CTNNA3: variants seen among roughly 807,000 people sequenced by gnomAD.
CTNNA3 encodes catenin alpha 3, also known as catenin alpha-3.
CTNNA3 carries 76 observed loss-of-function variants against 95.7 expected under a neutral mutation model. The observed-to-expected ratio is 0.79, with a 90% confidence interval of 0.66 to 0.96. CTNNA3 has a LOEUF of 0.96. Ranked by LOEUF, CTNNA3 falls within the 40% of genes least tolerant of loss-of-function variation. The probability of loss-of-function intolerance (pLI) is 0.00; values close to 1 mark genes in which losing one functional copy is unlikely to be tolerated. For missense variants in CTNNA3, 1,191 were observed against 1,089.8 expected, an observed-to-expected ratio of 1.09 and a Z score of -1.31; for synonymous variants, 431 against 374.4, an observed-to-expected ratio of 1.15 and a Z score of -1.74.
intron 9 of CTNNA3, among the ~76,000 whole-genome samples, chr10:66,716,627 TTG>T (rs1253636012): frequency 1.3e-5 from 2 of 152,144 alleles, no homozygotes; most frequent in Non-Finnish European, 2.9e-5. Flanking sequence ...GCATTTATGT[TTG>T]TGTTTTTGTC....
chr10:66,361,112 A>T (rs1053759012), intron 12 of CTNNA3, among the ~76,000 whole-genome samples: 10 of 148,192 alleles, frequency 6.7e-5, no homozygotes, highest in African/African-American at 2.0e-4. Context: ...ATGCACCTTC[A>T]TACCCAGCTA....
At chr10:67,273,084 A>G (rs1759564000) in intron 5 of CTNNA3, among the ~76,000 whole-genome samples, 1 of 152,090 alleles carries the variant, frequency 6.6e-6, no homozygotes, top group Non-Finnish European at 1.5e-5. Context: ...GAGTTCTATC[A>G]TTTATTACTC....
At chr10:66,897,557 T>C (rs1845550749) in intron 7 of CTNNA3, among the ~76,000 whole-genome samples, 1 of 152,154 alleles carries the variant, frequency 6.6e-6, no homozygotes, top group Non-Finnish European at 1.5e-5. Context: ...CAAAAACCAA[T>C]AACTTGATTG....
chr10:66,859,756 G>A (rs1342065484), intron 7 of CTNNA3, among the ~76,000 whole-genome samples: 2 of 126,300 alleles, frequency 1.6e-5, no homozygotes, highest in African/African-American at 6.2e-5. Flanking sequence ...GCAAAGACTT[G>A]GAACCAACCC....
rs983086662 is a variant in CTNNA3 at position 66,410,410 on chromosome 10, G to A, written c.1532-31058C>T. On this transcript the variant is annotated intron_variant, in intron 11 of 17. Transcript: ENST00000433211. ...AGAAAAACCAAAGGGGCATTTATTTGGTGAACTTTGCAACCCAGTACCAAA... is the reference window on the plus strand; with the variant it reads ...AGAAAAACCAAAGGGGCATTTATTTAGTGAACTTTGCAACCCAGTACCAAA... Among the ~76,000 whole-genome samples the A allele has an allele frequency of 2.0e-5, 3 of 152,092 alleles. No homozygotes were observed. The East Asian group carries it at 5.8e-4, about 29-fold the overall frequency.
At chr10:66,084,033 G>A (rs921808918) in intron 14 of CTNNA3, among the ~76,000 whole-genome samples, 21 of 151,604 alleles carry the variant, frequency 1.4e-4, no homozygotes, top group Non-Finnish European at 2.7e-4. Context: ...TATTCGGGAG[G>A]CTGAGACAGG....
intron 5 of CTNNA3, among the ~76,000 whole-genome samples, chr10:67,468,954 A>C (rs1440321342): frequency 6.6e-6 from 1 of 152,182 alleles, no homozygotes; most frequent in East Asian, 1.9e-4. Context: ...TTTGATGAGA[A>C]CTTGCATTCG....
chr10:66,266,837 T>C (rs2091171201), intron 13 of CTNNA3, among the ~76,000 whole-genome samples: 1 of 152,074 alleles, frequency 6.6e-6, no homozygotes. Context: ...ATCACTCTTC[T>C]GAAGTCACTT....
chr10:66,461,974 G>A (rs555657566), intron 11 of CTNNA3, among the ~76,000 whole-genome samples: 31 of 151,520 alleles, frequency 2.0e-4, no homozygotes, highest in Non-Finnish European at 3.8e-4. Flanking sequence ...CACCACACCC[G>A]GCTAATTTTC....
chr10:66,924,495 A>G (rs1925579), intron 7 of CTNNA3, among the ~76,000 whole-genome samples: 132,864 of 151,782 alleles, frequency 0.88, 58,422 homozygotes, highest in East Asian at 0.99. Context: ...ATTAGTCATG[A>G]TCCACAGAAC....
chr10:66,624,679 T>C (rs376721711), intron 9 of CTNNA3, among the ~76,000 whole-genome samples: 1 of 152,136 alleles, frequency 6.6e-6, no homozygotes, highest in South Asian at 2.1e-4. Context: ...TTAGCCAAAC[T>C]AACAGTCTGT....
chr10:67,600,785 G>GA (rs2133367306), intron 3 of CTNNA3, among the ~76,000 whole-genome samples: 1 of 152,246 alleles, frequency 6.6e-6, no homozygotes, highest in South Asian at 2.1e-4. Context: ...GCTCATTAAA[G>GA]AAAAAACCAG....
At chr10:66,296,788 C>A (rs571447472) in intron 12 of CTNNA3, among the ~76,000 whole-genome samples, 1 of 152,026 alleles carries the variant, frequency 6.6e-6, no homozygotes, top group East Asian at 1.9e-4. Flanking sequence ...CATGCTTTAC[C>A]CCCTGGCTTT....
intron 7 of CTNNA3, among the ~76,000 whole-genome samples, chr10:66,917,469 T>C (rs969426183): frequency 6.6e-6 from 1 of 152,232 alleles, no homozygotes; most frequent in African/African-American, 2.4e-5. Flanking sequence ...ACTCCTGTTC[T>C]CTGCTACTTC....
At chr10:66,354,290 T>TA (rs768525764) in intron 12 of CTNNA3, among the ~76,000 whole-genome samples, 1,585 of 114,414 alleles carry the variant, frequency 0.014, 26 homozygotes, top group African/African-American at 0.044. Flanking sequence ...ATCTCAAAAA[T>TA]AAAAAAAAAA....
At chr10:66,648,498 AAG>A (rs1259058567) in intron 9 of CTNNA3, among the ~76,000 whole-genome samples, 2 of 152,224 alleles carry the variant, frequency 1.3e-5, no homozygotes, top group African/African-American at 4.8e-5. Context: ...ATCTCTAAAA[AAG>A]AGTCGAATAT....
At chr10:67,082,456 A>C (rs1857100497) in intron 7 of CTNNA3, among the ~76,000 whole-genome samples, 1 of 152,172 alleles carries the variant, frequency 6.6e-6, no homozygotes, top group African/African-American at 2.4e-5. Flanking sequence ...TTAAAACCCT[A>C]AACCCCCAAG....
At chr10:66,430,884 A>G (rs1467716595) in intron 11 of CTNNA3, among the ~76,000 whole-genome samples, 3 of 152,226 alleles carry the variant, frequency 2.0e-5, no homozygotes, top group African/African-American at 7.2e-5. Flanking sequence ...AATGGCAACA[A>G]GAGCCAAAAT....
chr10:66,537,171 G>T (rs977981345), intron 10 of CTNNA3, among the ~76,000 whole-genome samples: 1 of 152,038 alleles, frequency 6.6e-6, no homozygotes, highest in African/African-American at 2.4e-5. Context: ...TTGACAAATA[G>T]TTATAAAAAC....
Sources: allele counts gnomAD v4.1 joint callset (sites outside exome capture counted in the v4.1 genomes callset), GRCh38; gene constraint gnomAD v4.1.1; transcripts MANE v1.5; gene names NCBI Gene and HGNC (gene_info 2026-07-23, HGNC 2026-07-21).